Variants in KLF12 observed in about 807,000 individuals in gnomAD.
KLF12 encodes the protein Krueppel-like factor 12.
In KLF12, 9 loss-of-function variants were observed where a neutral mutation model predicts 37.8. The observed-to-expected ratio is 0.24, with a 90% CI of 0.14 to 0.42. The LOEUF (loss-of-function observed/expected upper bound fraction) is 0.42, where lower values mean the gene tolerates loss of function less well. Ranked by LOEUF, KLF12 falls within the 10% of genes least tolerant of loss-of-function variation. The probability of loss-of-function intolerance (pLI) is 1.00; values close to 1 mark genes in which losing one functional copy is unlikely to be tolerated. For synonymous variants in KLF12, 208 were observed against 202.1 expected (o/e 1.03, Z -0.25); for missense variants, 411 against 516.0 (o/e 0.80, Z 1.97).
intron 3 of KLF12, among the ~76,000 whole-genome samples, chr13:73,875,637 C>G (rs1316376710): frequency 6.6e-6 from 1 of 152,020 alleles, no homozygotes; most frequent in African/African-American, 2.4e-5. Context: ...TTGTATAAAT[C>G]ATTAATCTTT....
chr13:74,146,894 G>A, the KLF12 span, among the ~76,000 whole-genome samples: 1 of 152,194 alleles, frequency 6.6e-6, no homozygotes, highest in Non-Finnish European at 1.5e-5. Flanking sequence ...CACCTACGTT[G>A]ACTGACTTCA....
the KLF12 span, among the ~76,000 whole-genome samples, chr13:74,301,458 T>A: frequency 6.6e-6 from 1 of 152,192 alleles, no homozygotes; most frequent in Non-Finnish European, 1.5e-5. Context: ...AAGAGCCACA[T>A]GGAGATTAAA....
At chr13:74,123,552 T>C (rs1393833973) in intron 1 of KLF12, among the ~76,000 whole-genome samples, 1 of 152,238 alleles carries the variant, frequency 6.6e-6, no homozygotes, top group African/African-American at 2.4e-5. Context: ...ACATGGTAAA[T>C]GCCCTAACTT....
At chr13:74,284,782 G>A in the KLF12 span, among the ~76,000 whole-genome samples, 1 of 152,184 alleles carries the variant, frequency 6.6e-6, no homozygotes, top group Non-Finnish European at 1.5e-5. Context: ...CATGTTCTCA[G>A]CTTTCATATA....
intron 1 of KLF12, among the ~76,000 whole-genome samples, chr13:74,046,793 G>A (rs991965213): frequency 2.0e-5 from 3 of 151,988 alleles, no homozygotes; most frequent in African/African-American, 7.2e-5. Flanking sequence ...TTTAACCACA[G>A]ATACTTTCAT....
chr13:74,011,688 T>G (rs770526525), intron 1 of KLF12, among the ~76,000 whole-genome samples: 2 of 152,174 alleles, frequency 1.3e-5, no homozygotes, highest in Non-Finnish European at 2.9e-5. Flanking sequence ...GTTGTGAATT[T>G]TAAGTAATCT....
At position 73,688,554 on chromosome 13, in the gene KLF12, G is replaced by A. The variant is rs1249372012; in HGVS notation, c.*6936C>T. The A allele has an allele frequency of 2.0e-5, 3 of 152,126 alleles. No individual in the cohort carries two copies. 9.4% of individuals were successfully genotyped at this position (152,126 alleles called of 1,614,324 possible). On this transcript the variant is annotated 3_prime_UTR_variant, in exon 8 of 8. Transcript: ENST00000377669. ...TTGAGGAACTGAGAAAGTGTACTCA[G>A]GCTAAAATGCTACTAAGTATTTGGA...
chr13:73,827,823 A>G (rs1343925862), intron 4 of KLF12, among the ~76,000 whole-genome samples: 1 of 151,978 alleles, frequency 6.6e-6, no homozygotes, highest in African/African-American at 2.4e-5. Flanking sequence ...TCAGCATCCC[A>G]AAGTGCTGGG....
At chr13:73,973,865 T>TA (rs1361843938) in intron 2 of KLF12, among the ~76,000 whole-genome samples, 1 of 151,986 alleles carries the variant, frequency 6.6e-6, no homozygotes, top group East Asian at 1.9e-4. Flanking sequence ...TATCAACGAA[T>TA]GGGAGCTCAA....
chr13:74,131,972 C>G (rs1878282519), intron 1 of KLF12, among the ~76,000 whole-genome samples: 1 of 152,124 alleles, frequency 6.6e-6, no homozygotes, highest in Admixed American at 6.5e-5. Context: ...AAACGTCTGT[C>G]CTTCAACATC....
the KLF12 span, among the ~76,000 whole-genome samples, chr13:74,235,326 G>A: frequency 7.9e-5 from 12 of 152,314 alleles, no homozygotes; most frequent in African/African-American, 2.2e-4. Context: ...GAGATAACAT[G>A]TGTCAAGAGT....
chr13:73,947,711 T>A (rs933779872), intron 2 of KLF12, among the ~76,000 whole-genome samples: 2 of 149,030 alleles, frequency 1.3e-5, no homozygotes, highest in African/African-American at 2.5e-5. Context: ...GCTCTCCCTG[T>A]CAAAAACCAT....
At chr13:73,909,230 G>C (rs1298777022) in intron 3 of KLF12, among the ~76,000 whole-genome samples, 2 of 152,158 alleles carry the variant, frequency 1.3e-5, no homozygotes, top group African/African-American at 2.4e-5. Context: ...TCTTCAACTA[G>C]GTTCCGTTTC....
At chr13:74,203,621 T>C in the KLF12 span, among the ~76,000 whole-genome samples, 2 of 152,220 alleles carry the variant, frequency 1.3e-5, no homozygotes, top group Middle Eastern at 6.8e-3. Flanking sequence ...CTATGCAATG[T>C]GAAAATCTGT....
At chr13:74,069,302 G>A (rs190966114) in intron 1 of KLF12, among the ~76,000 whole-genome samples, 7 of 152,266 alleles carry the variant, frequency 4.6e-5, no homozygotes, top group Admixed American at 2.6e-4. Context: ...ACTATGCACC[G>A]ATCCTGGAAC....
At chr13:74,020,140 A>G (rs1892804491) in intron 1 of KLF12, among the ~76,000 whole-genome samples, 1 of 152,246 alleles carries the variant, frequency 6.6e-6, no homozygotes, top group Non-Finnish European at 1.5e-5. Context: ...TTCATGCAAT[A>G]TATACTTCAA....
At chr13:73,752,638 G>A (rs115299662) in intron 6 of KLF12, among the ~76,000 whole-genome samples, 2,767 of 151,940 alleles carry the variant, frequency 0.018, 96 homozygotes, top group African/African-American at 0.064. Context: ...CTCTCCTTCT[G>A]TGGATACCAT....
chr13:74,136,994 GGAT>G (rs1430086707), upstream of KLF12, among the ~76,000 whole-genome samples: 2 of 152,186 alleles, frequency 1.3e-5, no homozygotes, highest in East Asian at 1.9e-4. Context: ...TACAAAGCAT[GGAT>G]GATAACGGAG....
intron 4 of KLF12, among the ~76,000 whole-genome samples, chr13:73,834,807 T>G (rs1884344653): frequency 6.6e-6 from 1 of 152,190 alleles, no homozygotes; most frequent in Admixed American, 6.5e-5. Context: ...CCACTGTGCC[T>G]GGTCCATTTT....
Sources: gnomAD v4.1 joint callset for allele counts (sites outside exome capture counted in the v4.1 genomes callset) on GRCh38, gnomAD v4.1.1 for gene constraint, MANE v1.5 for transcripts, NCBI Gene and HGNC (gene_info 2026-07-23, HGNC 2026-07-21) for gene names.